The following SPECC1 variants were observed in gnomAD, a reference collection of about 807,000 sequenced individuals.
The protein encoded by SPECC1 is sperm antigen with calponin homology and coiled-coil domains 1, also known as cytospin-B.
Under a neutral mutation model 104.1 loss-of-function variants are expected in SPECC1, and 62 were observed. That is an observed-to-expected ratio of 0.60 (90% CI 0.49 to 0.74). The LOEUF is 0.74. SPECC1 is among the 30% of genes least tolerant of loss of function. The pLI, the probability that SPECC1 is intolerant of heterozygous loss-of-function variation, is 0.00. For missense variants in SPECC1, 1,306 were observed against 1,310.5 expected (o/e 1.00, Z 0.05); for synonymous variants, 513 against 501.6 (o/e 1.02, Z -0.30).
chr17:20,123,788 T>C (rs2049152866), intron 3 of SPECC1, among the ~76,000 whole-genome samples: 1 of 152,264 alleles, frequency 6.6e-6, no homozygotes. Context: ...CTTTGCTCAC[T>C]ATGTGCTAAC....
At chr17:20,188,443 A>G (rs992734317) in intron 3 of SPECC1, among the ~76,000 whole-genome samples, 1 of 151,948 alleles carries the variant, frequency 6.6e-6, no homozygotes, top group Non-Finnish European at 1.5e-5. Context: ...TTTTTAGTAG[A>G]GACGGGGTTT....
chr17:20,284,332 G>A (rs911578486), intron 12 of SPECC1, among the ~76,000 whole-genome samples: 2 of 152,212 alleles, frequency 1.3e-5, no homozygotes, highest in South Asian at 4.1e-4. Flanking sequence ...TTATGGAATG[G>A]GGCATCAGAA....
chr17:20,290,232 A>G (rs2041117688), intron 12 of SPECC1: 1 of 152,114 alleles, frequency 6.6e-6, no homozygotes, highest in Non-Finnish European at 1.5e-5. Context: ...CCTGTGACCC[A>G]TTTATAGTTA....
rs769845745 is a variant in SPECC1, at chr17:20,096,703, G to A, written c.52G>A (p.Gly18Ser). The A allele has an allele frequency of 9.9e-6, 16 of 1,614,218 alleles. No homozygotes were observed. In the East Asian group the frequency reaches 1.8e-4, roughly 18 times the overall value. ...CCCAGCCATCAGAGCAGGGGGCCAC[G>A]GCCCAGACCGGGTGCGGCCTCTGCC... ...WNPAIRAGGH[G>S]PDRVRPLPAA... Residue 18 changes from glycine (G) to serine (S), a missense_variant, in exon 2 of 15, where the codon GGC becomes AGC. Around this residue, in one of 2 missense-constraint regions of SPECC1, gnomAD observed 1,177 missense variants for 1,139.9 expected, o/e 1.03. Coordinates refer to ENST00000395527, the MANE Select transcript of SPECC1 (RefSeq NM_001243439.2).
At chr17:20,089,779 C>T (rs2047326382) in intron 1 of SPECC1, among the ~76,000 whole-genome samples, 1 of 152,204 alleles carries the variant, frequency 6.6e-6, no homozygotes, top group Non-Finnish European at 1.5e-5. Context: ...AAAGGCAGGG[C>T]TCCTACAGGA....
At chr17:20,208,562 A>T (rs918691886) in intron 4 of SPECC1, among the ~76,000 whole-genome samples, 1 of 152,238 alleles carries the variant, frequency 6.6e-6, no homozygotes, top group Non-Finnish European at 1.5e-5. Flanking sequence ...CAAAACTATG[A>T]TGAAGGGTCT....
At chr17:20,125,724 T>A (rs2049269895) in intron 3 of SPECC1, among the ~76,000 whole-genome samples, 1 of 152,254 alleles carries the variant, frequency 6.6e-6, no homozygotes. Flanking sequence ...AAAGGCTGAA[T>A]AATATTCGAT....
At chr17:20,166,162 A>C (rs2033632026) in intron 3 of SPECC1, among the ~76,000 whole-genome samples, 1 of 152,262 alleles carries the variant, frequency 6.6e-6, no homozygotes, top group African/African-American at 2.4e-5. Flanking sequence ...TAAAAGTACA[A>C]TTCAAGAATA....
At chr17:20,258,999 A>G (rs955564590) in intron 11 of SPECC1, among the ~76,000 whole-genome samples, 1 of 152,386 alleles carries the variant, frequency 6.6e-6, no homozygotes, top group East Asian at 1.9e-4. Context: ...CACACATAGC[A>G]TTTCACTTAG....
At chr17:20,209,792 C>G (rs950421117) in intron 4 of SPECC1, among the ~76,000 whole-genome samples, 1 of 152,282 alleles carries the variant, frequency 6.6e-6, no homozygotes, top group East Asian at 1.9e-4. Context: ...AATAACATGA[C>G]CCAGCTTTAA....
chr17:20,021,660 G>GAT (rs34412987), intron 1 of SPECC1, among the ~76,000 whole-genome samples: 68,846 of 140,404 alleles, frequency 0.49, 18,891 homozygotes, highest in Non-Finnish European at 0.62. Flanking sequence ...CCAAGGCTCT[G>GAT]ATATATATAT....
intron 13 of SPECC1, among the ~76,000 whole-genome samples, chr17:20,303,413 C>T (rs2041656668): frequency 6.6e-6 from 1 of 152,166 alleles, no homozygotes; most frequent in Non-Finnish European, 1.5e-5. Context: ...GGCAGGATCA[C>T]CACAGATCAA....
chr17:20,037,541 G>A (rs970552342), intron 1 of SPECC1, among the ~76,000 whole-genome samples: 2 of 151,248 alleles, frequency 1.3e-5, no homozygotes, highest in East Asian at 1.9e-4. Context: ...CATAGGCAGT[G>A]TGTCAAGAGT....
At chr17:20,245,644 A>G (rs376369404) in intron 7 of SPECC1, among the ~76,000 whole-genome samples, 21 of 152,310 alleles carry the variant, frequency 1.4e-4, no homozygotes, top group African/African-American at 4.8e-4. Context: ...TTTGCAGAGT[A>G]GCCATACACA....
At chr17:20,064,758 A>G (rs2046305601) in intron 1 of SPECC1, among the ~76,000 whole-genome samples, 1 of 152,166 alleles carries the variant, frequency 6.6e-6, no homozygotes, top group Non-Finnish European at 1.5e-5. Flanking sequence ...CCTTGCCTTT[A>G]TGTTTTCACA....
intron 3 of SPECC1, among the ~76,000 whole-genome samples, chr17:20,132,888 C>T (rs989875774): frequency 6.6e-6 from 1 of 151,786 alleles, no homozygotes; most frequent in Admixed American, 6.6e-5. Context: ...TACAGGCGCC[C>T]GCCACCATGC....
At chr17:20,260,520 A>G (rs1480346769) in intron 12 of SPECC1, among the ~76,000 whole-genome samples, 1 of 152,334 alleles carries the variant, frequency 6.6e-6, no homozygotes, top group African/African-American at 2.4e-5. Flanking sequence ...TCCACCCACC[A>G]AATGTATGGC....
At chr17:20,184,181 CAAAAA>C (rs759475722) in intron 3 of SPECC1, among the ~76,000 whole-genome samples, 2 of 44,222 alleles carry the variant, frequency 4.5e-5, no homozygotes, top group East Asian at 6.9e-4. Flanking sequence ...ACTCCTGTCT[CAAAAA>C]AAAAAAAAAA....
chr17:20,229,900 T>A (rs1297563020), intron 5 of SPECC1, among the ~76,000 whole-genome samples: 1 of 152,176 alleles, frequency 6.6e-6, no homozygotes, highest in Non-Finnish European at 1.5e-5. Flanking sequence ...TCACCCAGGG[T>A]CAGGAAAATG....
Sources: allele counts gnomAD v4.1 joint callset (sites outside exome capture counted in the v4.1 genomes callset), GRCh38; gene constraint gnomAD v4.1.1; regional missense constraint gnomAD v4.1.1; transcripts MANE v1.5; gene names NCBI Gene and HGNC (gene_info 2026-07-23, HGNC 2026-07-21).